AGBL4: variants seen among roughly 807,000 people sequenced by gnomAD.
AGBL4 encodes AGBL carboxypeptidase 4.
AGBL4 carries 58 observed loss-of-function variants against 66.4 expected under a neutral mutation model. That is an observed-to-expected ratio of 0.87 (90% CI 0.71 to 1.09). The LOEUF is 1.09. Ranked by LOEUF, AGBL4 falls within the 50% of genes least tolerant of loss-of-function variation. The pLI, the probability that AGBL4 is intolerant of heterozygous loss-of-function variation, is 0.00. For missense variants in AGBL4, 579 were observed against 631.0 expected (o/e 0.92, Z 0.88); for synonymous variants, 234 against 222.9 (o/e 1.05, Z -0.44).
At chr1:49,523,829 T>G (rs1486837561) in intron 3 of AGBL4, among the ~76,000 whole-genome samples, 2 of 152,142 alleles carry the variant, frequency 1.3e-5, no homozygotes, top group East Asian at 3.9e-4. Context: ...AACTCACATA[T>G]AAGTTCTAAG....
intron 6 of AGBL4, among the ~76,000 whole-genome samples, chr1:48,696,311 T>C (rs1056876162): frequency 2.6e-5 from 4 of 152,092 alleles, no homozygotes; most frequent in Non-Finnish European, 5.9e-5. Flanking sequence ...CACTTGTCAC[T>C]CACGTTGAGC....
At chr1:49,868,645 G>A (rs1478085190) in intron 1 of AGBL4, among the ~76,000 whole-genome samples, 4 of 151,980 alleles carry the variant, frequency 2.6e-5, no homozygotes, top group African/African-American at 9.7e-5. Flanking sequence ...AAAAGTATAA[G>A]AACCCTAGAA....
At chr1:49,726,446 G>A (rs1442616664) in intron 2 of AGBL4, among the ~76,000 whole-genome samples, 1 of 152,144 alleles carries the variant, frequency 6.6e-6, no homozygotes, top group Non-Finnish European at 1.5e-5. Flanking sequence ...TCAATAGAGT[G>A]GAAGAATGAC....
chr1:48,570,440 A>T (rs923908317), intron 11 of AGBL4, among the ~76,000 whole-genome samples: 1 of 152,198 alleles, frequency 6.6e-6, no homozygotes, highest in African/African-American at 2.4e-5. Context: ...GGATGTGAGG[A>T]CAGGAGGAAG....
chr1:49,533,758 G>A (rs780866251), intron 3 of AGBL4, among the ~76,000 whole-genome samples: 4 of 151,868 alleles, frequency 2.6e-5, no homozygotes, highest in African/African-American at 7.3e-5. Context: ...ATATTTGCCC[G>A]CTTCAACATC....
chr1:49,909,120 C>T (rs905976362), intron 1 of AGBL4, among the ~76,000 whole-genome samples: 1 of 152,118 alleles, frequency 6.6e-6, no homozygotes, highest in East Asian at 1.9e-4. Flanking sequence ...ACCTCAGTTT[C>T]TCCATCTGTA....
intron 4 of AGBL4, among the ~76,000 whole-genome samples, chr1:49,070,473 G>C (rs556136821): frequency 2.4e-4 from 36 of 151,888 alleles, no homozygotes; most frequent in Non-Finnish European, 4.4e-4. Context: ...GGCCTTTTCT[G>C]CATCTATTGA....
chr1:48,854,447 C>G (rs1246359854), intron 6 of AGBL4, among the ~76,000 whole-genome samples: 2 of 152,176 alleles, frequency 1.3e-5, no homozygotes, highest in East Asian at 3.9e-4. Flanking sequence ...CCCAGAGATT[C>G]TAGCTGTGGA....
intron 3 of AGBL4, among the ~76,000 whole-genome samples, chr1:49,572,051 G>T (rs1644342070): frequency 6.6e-6 from 1 of 152,022 alleles, no homozygotes; most frequent in Admixed American, 6.6e-5. Flanking sequence ...GTCCTTGTTT[G>T]CTTGGTTTTG....
At chr1:48,539,557 G>A in intron 12 of AGBL4, 85 bp downstream of exon 12, 1 of 1,077,082 alleles carries the variant, frequency 9.3e-7, no homozygotes, top group South Asian at 2.1e-5. Flanking sequence ...GATGCTGAGT[G>A]TCAGCAAAAG....
intron 4 of AGBL4, among the ~76,000 whole-genome samples, chr1:49,199,499 G>A (rs1647513599): frequency 1.3e-5 from 2 of 152,168 alleles, no homozygotes; most frequent in African/African-American, 4.8e-5. Flanking sequence ...GCATCTGTAT[G>A]TGCCTTTCTA....
At chr1:49,979,121 A>G (rs1658838011) in intron 1 of AGBL4, among the ~76,000 whole-genome samples, 1 of 152,230 alleles carries the variant, frequency 6.6e-6, no homozygotes, top group African/African-American at 2.4e-5. Context: ...ATAATTTACT[A>G]CTGTAAAATA....
chr1:50,009,099 T>C lies in AGBL4; in HGVS notation c.34+14664A>G, dbSNP rs113926189. Among the ~76,000 whole-genome samples the C allele has an allele frequency of 7.2e-5, 11 of 152,186 alleles. 1 individual carries two copies. The highest frequency in any genetic ancestry group is 2.6e-4 in the African/African-American group (11 of 41,530). On this transcript the variant is annotated intron_variant, in intron 1 of 13. Transcript: ENST00000371839. ...AAGAACTAACACCAATCCTACTATT[T>C]TGAAAAACAGAGGAGAAGGGAATAC...
chr1:48,623,601 T>C (rs930389800), intron 9 of AGBL4, among the ~76,000 whole-genome samples: 5 of 152,274 alleles, frequency 3.3e-5, no homozygotes, highest in African/African-American at 1.2e-4. Flanking sequence ...ATATGCTATT[T>C]GATGTACCAC....
chr1:48,620,019 C>T (rs141866021), intron 9 of AGBL4, among the ~76,000 whole-genome samples: 42 of 152,232 alleles, frequency 2.8e-4, no homozygotes, highest in African/African-American at 9.4e-4. Flanking sequence ...GCACACATAC[C>T]CAAACTCTCG....
At chr1:48,721,332 C>T (rs1156374817) in intron 6 of AGBL4, among the ~76,000 whole-genome samples, 1 of 152,206 alleles carries the variant, frequency 6.6e-6, no homozygotes, top group Non-Finnish European at 1.5e-5. Context: ...AACCACATTT[C>T]TGCTGAGTGC....
At chr1:49,356,189 A>G (rs1434436914) in intron 3 of AGBL4, among the ~76,000 whole-genome samples, 1 of 152,194 alleles carries the variant, frequency 6.6e-6, no homozygotes, top group Non-Finnish European at 1.5e-5. Context: ...GAAGAAACCT[A>G]TCTTATATCA....
rs546319351 is a variant in AGBL4, at chr1:48,851,107, G to GC, written c.634+16083dup. ...TTGTCATTATTGCGCTATTATTATC[G>GC]CCCCCTGCAGTGGATACCTTTTTAA... On this transcript the variant is annotated intron_variant, in intron 6 of 13. Coordinates refer to ENST00000371839, the MANE Select transcript of AGBL4 (RefSeq NM_032785.4). 1.3e-3 allele frequency among the ~76,000 whole-genome samples: 193 copies of GC among 152,126 alleles called. 2 individuals are homozygous for GC. The highest frequency in any genetic ancestry group is 0.01 in the Admixed American group (159 of 15,264).
intron 5 of AGBL4, among the ~76,000 whole-genome samples, chr1:48,883,747 A>G (rs922377625): frequency 6.6e-6 from 1 of 152,238 alleles, no homozygotes; most frequent in African/African-American, 2.4e-5. Flanking sequence ...CGATAAATTA[A>G]TAAAGGAGCA....
Sources: gnomAD v4.1 joint callset for allele counts (sites outside exome capture counted in the v4.1 genomes callset) on GRCh38, gnomAD v4.1.1 for gene constraint, MANE v1.5 for transcripts, NCBI Gene and HGNC (gene_info 2026-07-23, HGNC 2026-07-21) for gene names.